RPL8: variants seen among roughly 807,000 people sequenced by gnomAD.
The protein encoded by RPL8 is ribosomal protein L8, also known as large ribosomal subunit protein uL2.
For synonymous variants in RPL8, 182 were observed against 143.2 expected (o/e 1.27, Z -1.94); for missense variants, 248 against 365.9 (o/e 0.68, Z 2.63).
At chr8:144,790,075 T>G in intron 4 of RPL8, 113 bp from the exon 5 acceptor site, 1 of 1,301,302 alleles carries the variant, frequency 7.7e-7, no homozygotes, top group South Asian at 1.5e-5. Flanking sequence ...CCACAGCATG[T>G]GCCGCTAGAC....
intron 1 of RPL8, 37 bp from the exon 2 acceptor site, chr8:144,791,951 C>T (rs1451240590): frequency 1.2e-6 from 2 of 1,610,112 alleles, no homozygotes; most frequent in African/African-American, 1.3e-5. Context: ...GCGTTCCGGC[C>T]GGGCGTCCCT....
rs1265649748 is a variant in RPL8, at chr8:144,791,857, G to A, written c.196C>T (p.Pro66Ser). 1 of 1,613,696 alleles carries A rather than the reference G, an allele frequency of 6.2e-7. No individual in the cohort carries two copies. The highest frequency in any genetic ancestry group is 1.3e-5 in the African/African-American group (1 of 74,940). The change falls in exon 2 of 5, where the codon CCG becomes TCG. Residue 66 changes from proline to serine, a missense_variant. Coordinates refer to ENST00000528957, the MANE Select transcript of RPL8 (RefSeq NM_001317782.2). Reference protein sequence around the residue: ...APLAKVVFRDPYRFKKRTELF... With the variant: ...APLAKVVFRDSYRFKKRTELF... ...TCCGTCCGCTTCTTAAACCGATACG[G>A]ATCCCGGAAGACCACCTTGGCGAGG...
At chr8:144,791,070 C>T in intron 3 of RPL8, 1 of 596,618 alleles carries the variant, frequency 1.7e-6, no homozygotes, top group South Asian at 2.0e-5. Flanking sequence ...TCATTTAACG[C>T]CTCAACAGCA....
Position 144,791,354 on chromosome 8 carries a change from G to A in RPL8, c.422C>T (p.Pro141Leu), listed in dbSNP as rs937884279. 1.2e-6 allele frequency: 2 copies of A among 1,613,714 alleles called. No individual in the cohort carries two copies. Among genetic ancestry groups the A allele is most frequent in the Non-Finnish European group, 1.7e-6 (2 of 1,180,014 alleles). Reference protein sequence around the residue: ...GNYATVISHNPETKKTRVKLP... With the variant: ...GNYATVISHNLETKKTRVKLP... ...CTTCACACGGGTCTTCTTGGTCTCAGGGTTGTGGGAGATAACGGTGGCATA... is the reference window on the plus strand; with the variant it reads ...CTTCACACGGGTCTTCTTGGTCTCAAGGTTGTGGGAGATAACGGTGGCATA... The change falls in exon 3 of 5, where the codon CCT becomes CTT. Residue 141 changes from proline to leucine, a missense_variant. Transcript: ENST00000528957.
At chr8:144,790,220 A>T in intron 4 of RPL8, 135 bp downstream of exon 4, 1 of 794,000 alleles carries the variant, frequency 1.3e-6, no homozygotes, top group Non-Finnish European at 2.1e-6. Flanking sequence ...CAGTCCCGTG[A>T]CTACAAACCA....
intron 4 of RPL8, 118 bp downstream of exon 4, chr8:144,790,237 G>A (rs1252087606): frequency 1.1e-6 from 1 of 877,022 alleles, no homozygotes. Flanking sequence ...ACCACCACCT[G>A]CTGCTCCTCC....
At position 144,790,368 on chromosome 8, in the gene RPL8, C is replaced by G; in HGVS notation, c.602G>C (p.Gly201Ala). Residue 201 changes from glycine to alanine, a missense_variant, in exon 4 of 5, where the codon GGT becomes GCT. Gly to Ala is a moderately conservative substitution (Grantham distance 60). Coordinates refer to ENST00000528957, the MANE Select transcript of RPL8 (RefSeq NM_001317782.2). ...TGGGTTACTTACATTCATGGCCACACCCCGTACTCGTGGCCAGCAGTTCCT... is the reference window on the plus strand; with the variant it reads ...TGGGTTACTTACATTCATGGCCACAGCCCGTACTCGTGGCCAGCAGTTCCT... ...AKRNCWPRVR[G>A]VAMNPVEHPF... 1 of 1,613,548 alleles carries G rather than the reference C, an allele frequency of 6.2e-7. No homozygotes were observed.
rs775126920 is a variant in RPL8 at position 144,791,395 on chromosome 8, G to C, written c.381C>G (p.Ala127=). The change falls in exon 3 of 5, where the codon GCC becomes GCG. Residue 127 remains alanine (A), a synonymous_variant. Transcript: ENST00000528957. The part of the protein sequence containing the change: ...EEKPGDRGKL[A]RASGNYATVI... ...CGGTGGCATAGTTCCCTGATGCCCG[G>C]GCCAGCTTGCCACGGTCTCCAGGCT... 9.9e-6 allele frequency: 16 copies of C among 1,613,778 alleles called. No individual in the cohort carries two copies. The highest frequency in any genetic ancestry group is 1.4e-5 in the Non-Finnish European group (16 of 1,180,028).
In RPL8 at chr8:144,792,135, C is replaced by T. The variant is rs940244237; in HGVS notation, c.-6G>A. ...CCACGGATCACACGGCCCATGGCGA[C>T]GGGTCCTGGGGGCGACTCACGATTA... On this transcript the variant is annotated 5_prime_UTR_variant, in exon 1 of 5. Coordinates refer to ENST00000528957, the MANE Select transcript of RPL8 (RefSeq NM_001317782.2). The T allele has an allele frequency of 2.6e-6, 4 of 1,518,872 alleles. No homozygotes were observed. Among genetic ancestry groups the T allele is most frequent in the African/African-American group, 2.8e-5 (2 of 70,906 alleles). The allele number at this position is 1,518,872 out of a possible 1,614,324, so 94.1% of individuals were successfully genotyped here. A position where few individuals can be genotyped will look rare whatever the true frequency, so the allele number is the denominator to read the frequency against.
intron 4 of RPL8, 56 bp from the exon 5 acceptor site, chr8:144,790,018 G>A (rs1295719315): frequency 3.9e-6 from 6 of 1,531,666 alleles, no homozygotes; most frequent in Admixed American, 2.0e-5. Context: ...CCCGCCCCCG[G>A]CCTCGGGGTC....
chr8:144,791,638 C>G (rs1488951390), intron 2 of RPL8, 135 bp downstream of exon 2: 2 of 1,501,470 alleles, frequency 1.3e-6, no homozygotes, highest in Middle Eastern at 2.3e-4. Flanking sequence ...CCGGTGGCCA[C>G]TGGTCTGGCC....
intron 4 of RPL8, 143 bp downstream of exon 4, chr8:144,790,212 G>A (rs1826452240): frequency 1.3e-6 from 1 of 771,134 alleles, no homozygotes. Context: ...AGGATCAACA[G>A]TCCCGTGACT....
Position 144,792,300 on chromosome 8 carries a change from G to A in RPL8, c.-171C>T. On this transcript the variant is annotated 5_prime_UTR_variant, in exon 1 of 5. Coordinates refer to ENST00000528957, the MANE Select transcript of RPL8 (RefSeq NM_001317782.2). The stretch of plus-strand genomic sequence containing the variant: ...CTCAGGAGGGCCGGTCCGGGTCTCA[G>A]CGCGCCTCACGGAAGAGGATGGCGG... 9.8e-7 allele frequency: 1 copy of A among 1,018,314 alleles called. No homozygotes were observed. 63.1% of individuals were successfully genotyped at this position (1,018,314 alleles called of 1,614,324 possible). A position where few individuals can be genotyped will look rare whatever the true frequency, so the allele number is the denominator to read the frequency against.
At chr8:144,790,098 G>T in intron 4 of RPL8, 136 bp from the exon 5 acceptor site, 1 of 1,129,870 alleles carries the variant, frequency 8.9e-7, no homozygotes, top group Non-Finnish European at 1.2e-6. Flanking sequence ...CCCCAGTCAG[G>T]CTGACTCTTT....
rs1826496891 is a variant in RPL8 at position 144,791,139 on chromosome 8, G to A, written c.499+138C>T. ...GATGACAACTGAGACTACAGGATGA[G>A]CTCAAACTTACAGAACCCAAGTTTT... On this transcript the variant is annotated intron_variant, in intron 3 of 4. Coordinates refer to ENST00000528957, the MANE Select transcript of RPL8 (RefSeq NM_001317782.2). 7.8e-6 allele frequency: 6 copies of A among 764,540 alleles called. No homozygotes were observed. The South Asian group carries it at 8.4e-5, about 11-fold the overall frequency. 47.4% of individuals were successfully genotyped at this position (764,540 alleles called of 1,614,324 possible). A position where few individuals can be genotyped will look rare whatever the true frequency, so the allele number is the denominator to read the frequency against.
At chr8:144,791,098 G>T (rs1234458329) in intron 3 of RPL8, 179 bp downstream of exon 3, 6 of 626,170 alleles carry the variant, frequency 9.6e-6, no homozygotes, top group African/African-American at 3.7e-5. Flanking sequence ...AGGTACTGTT[G>T]TGCCTGTTGT....
rs768877203 is a variant in RPL8 at position 144,791,882 on chromosome 8, G to A, written c.171C>T (p.Pro57=). The change falls in exon 2 of 5, where the codon CCC becomes CCT. Residue 57 remains proline (P), a synonymous_variant. Coordinates refer to ENST00000528957, the MANE Select transcript of RPL8 (RefSeq NM_001317782.2). ...GATCCCGGAAGACCACCTTGGCGAGGGGCGCGCCGCGGCCCGGGTCGTGGA... is the reference window on the plus strand; with the variant it reads ...GATCCCGGAAGACCACCTTGGCGAGAGGCGCGCCGCGGCCCGGGTCGTGGA... ...DIIHDPGRGA[P]LAKVVFRDPY... is the part of the protein sequence containing the mutation. The A allele has an allele frequency of 3.1e-6, 5 of 1,613,614 alleles. No individual in the cohort carries two copies. Among genetic ancestry groups the A allele is most frequent in the Non-Finnish European group, 4.2e-6 (5 of 1,180,026 alleles).
rs752101999 is a variant in RPL8 at position 144,791,521 on chromosome 8, G to C, written c.281-26C>G. ...CTGCAAGGGGAAGCAGCATCAGGCC[G>C]TCAGCACAGTAAGAAACAATGCGAA... On this transcript the variant is annotated intron_variant, in intron 2 of 4. Coordinates refer to ENST00000528957, the MANE Select transcript of RPL8 (RefSeq NM_001317782.2). The C allele has an allele frequency of 3.7e-6, 6 of 1,608,262 alleles. No individual in the cohort carries two copies. In the South Asian group the frequency reaches 6.6e-5, roughly 18 times the overall value.
At chr8:144,790,495 G>A (rs114629571) in intron 3 of RPL8, 25 bp from the exon 4 acceptor site, 1 of 1,585,532 alleles carries the variant, frequency 6.3e-7, no homozygotes, top group Non-Finnish European at 8.7e-7. Flanking sequence ...ATACCTCAGG[G>A]AACCCCCAGT....
Sources: allele counts gnomAD v4.1 joint callset, GRCh38; gene constraint gnomAD v4.1.1; transcripts MANE v1.5; gene names NCBI Gene and HGNC (gene_info 2026-07-23, HGNC 2026-07-21).